The following PRKCE variants were observed in gnomAD, a reference collection of about 807,000 sequenced individuals.
The protein encoded by PRKCE is protein kinase C epsilon.
PRKCE carries 16 observed loss-of-function variants against 85.4 expected under a neutral mutation model. That is an observed-to-expected ratio of 0.19 (90% confidence interval 0.13 to 0.28). PRKCE has a LOEUF of 0.28. Among genes scored for constraint, PRKCE ranks in the 10% least tolerant of loss-of-function variants. PRKCE has a pLI of 1.00. For synonymous variants in PRKCE, 388 were observed against 371.5 expected (o/e 1.04, Z -0.51); for missense variants, 573 against 975.2 (o/e 0.59, Z 5.49).
chr2:45,718,568 T>C (rs1173472570), intron 1 of PRKCE, among the ~76,000 whole-genome samples: 1 of 152,086 alleles, frequency 6.6e-6, no homozygotes, highest in Non-Finnish European at 1.5e-5. Flanking sequence ...GGTCTTGATC[T>C]CCTTACCTAG....
chr2:45,828,089 T>A (rs1690100081), intron 1 of PRKCE, among the ~76,000 whole-genome samples: 1 of 152,224 alleles, frequency 6.6e-6, no homozygotes, highest in Non-Finnish European at 1.5e-5. Context: ...TGCCCATTCC[T>A]GATCAATGAA....
At chr2:45,699,716 A>T (rs935558842) in intron 1 of PRKCE, among the ~76,000 whole-genome samples, 2 of 152,090 alleles carry the variant, frequency 1.3e-5, no homozygotes, top group Non-Finnish European at 2.9e-5. Context: ...AGATCTGGAG[A>T]TGTGTGTGCA....
intron 1 of PRKCE, among the ~76,000 whole-genome samples, chr2:45,702,685 C>G (rs1259661225): frequency 4.6e-5 from 7 of 152,082 alleles, no homozygotes; most frequent in Admixed American, 4.6e-4. Context: ...TAGAACCCTT[C>G]TTTTTTTTCC....
intron 2 of PRKCE, among the ~76,000 whole-genome samples, chr2:45,886,755 A>T (rs1012380668): frequency 2.2e-4 from 34 of 152,368 alleles, no homozygotes; most frequent in Middle Eastern, 6.8e-3. Context: ...TTTTCTTTAA[A>T]TGCCAATGTG....
chr2:45,968,116 A>T (rs1014569994), intron 2 of PRKCE, among the ~76,000 whole-genome samples: 1 of 151,950 alleles, frequency 6.6e-6, no homozygotes, highest in Non-Finnish European at 1.5e-5. Flanking sequence ...GGCTCCATAT[A>T]CTCTGGAAGG....
At chr2:46,162,325 A>G (rs893603249) in intron 14 of PRKCE, among the ~76,000 whole-genome samples, 1 of 152,134 alleles carries the variant, frequency 6.6e-6, no homozygotes, top group African/African-American at 2.4e-5. Context: ...TTTTGCCTGG[A>G]GGGTCAAGGA....
intron 2 of PRKCE, among the ~76,000 whole-genome samples, chr2:45,925,456 C>T (rs1489423791): frequency 1.3e-5 from 2 of 152,150 alleles, no homozygotes; most frequent in African/African-American, 4.8e-5. Context: ...CCACCACGCC[C>T]AGCTAACTTT....
chr2:45,654,438 G>A (rs1284029297), intron 1 of PRKCE, among the ~76,000 whole-genome samples: 2 of 152,236 alleles, frequency 1.3e-5, no homozygotes, highest in Non-Finnish European at 2.9e-5. Context: ...AGGACATTGA[G>A]TTCCAGAGAA....
At chr2:45,806,295 A>G (rs1010487059) in intron 1 of PRKCE, among the ~76,000 whole-genome samples, 1 of 152,216 alleles carries the variant, frequency 6.6e-6, no homozygotes, top group African/African-American at 2.4e-5. Flanking sequence ...TTGCTGGTCC[A>G]TGATATGCAT....
intron 2 of PRKCE, 80 bp downstream of exon 2, chr2:45,843,143 C>T (rs571685239): frequency 4.6e-5 from 57 of 1,239,950 alleles, no homozygotes; most frequent in South Asian, 3.8e-4. Flanking sequence ...CCCCCTTGGC[C>T]GGAACACATT....
chr2:46,031,924 A>T (rs763670752), intron 10 of PRKCE, among the ~76,000 whole-genome samples: 33 of 152,166 alleles, frequency 2.2e-4, no homozygotes, highest in Admixed American at 1.0e-3. Flanking sequence ...CCACCCACAC[A>T]AACTCATCTC....
intron 2 of PRKCE, among the ~76,000 whole-genome samples, chr2:45,877,127 T>C (rs1694537533): frequency 1.3e-5 from 2 of 152,222 alleles, no homozygotes; most frequent in African/African-American, 4.8e-5. Flanking sequence ...GGATTCTAAG[T>C]AGGGAGTTAT....
At chr2:45,660,805 T>A (rs966596970) in intron 1 of PRKCE, among the ~76,000 whole-genome samples, 2 of 152,204 alleles carry the variant, frequency 1.3e-5, no homozygotes, top group Admixed American at 6.5e-5. Context: ...TTGCACCTGT[T>A]TGAGATTTAG....
intron 1 of PRKCE, among the ~76,000 whole-genome samples, chr2:45,789,512 C>G (rs1453135388): frequency 6.6e-6 from 1 of 152,152 alleles, no homozygotes; most frequent in African/African-American, 2.4e-5. Context: ...TGCCTGTGGT[C>G]CTAGCTACTC....
chr2:46,168,817 G>T (rs1678599452), intron 14 of PRKCE, among the ~76,000 whole-genome samples: 1 of 152,142 alleles, frequency 6.6e-6, no homozygotes, highest in Non-Finnish European at 1.5e-5. Context: ...CGTTTCTGTG[G>T]GTCCTGAGAG....
intron 1 of PRKCE, among the ~76,000 whole-genome samples, chr2:45,699,047 CTATTTT>C (rs1389467652): frequency 1.3e-5 from 2 of 152,082 alleles, no homozygotes; most frequent in Non-Finnish European, 2.9e-5. Flanking sequence ...TCGTCTATTT[CTATTTT>C]TAATAGACGC....
chr2:46,081,393 G>T (rs968056589), intron 10 of PRKCE, among the ~76,000 whole-genome samples: 2 of 152,210 alleles, frequency 1.3e-5, no homozygotes, highest in African/African-American at 4.8e-5. Flanking sequence ...TTTCAGGTTA[G>T]TTCAATTCCC....
At chr2:46,171,934 A>C (rs1678943271) in intron 14 of PRKCE, among the ~76,000 whole-genome samples, 1 of 152,228 alleles carries the variant, frequency 6.6e-6, no homozygotes, top group Non-Finnish European at 1.5e-5. Context: ...ACAAGGGTCA[A>C]GGTATATATA....
chr2:46,096,462 T>C (rs189283530), intron 11 of PRKCE, among the ~76,000 whole-genome samples: 10 of 152,266 alleles, frequency 6.6e-5, no homozygotes, highest in African/African-American at 1.2e-4. Flanking sequence ...CATTTGGAGA[T>C]AGGGCCTTTA....
Sources: gnomAD v4.1 joint callset for allele counts (sites outside exome capture counted in the v4.1 genomes callset) on GRCh38, gnomAD v4.1.1 for gene constraint, MANE v1.5 for transcripts, NCBI Gene and HGNC (gene_info 2026-07-23, HGNC 2026-07-21) for gene names.